Variants in PSD3 observed in about 807,000 individuals in gnomAD.
The protein encoded by PSD3 is pleckstrin and Sec7 domain containing 3, also known as PH and SEC7 domain-containing protein 3.
Under a neutral mutation model 105.5 loss-of-function variants are expected in PSD3, and 49 were observed. That is an observed-to-expected ratio of 0.46 (90% CI 0.37 to 0.59). The LOEUF (loss-of-function observed/expected upper bound fraction) is 0.59. PSD3 is among the 20% of genes least tolerant of loss of function. PSD3 has a pLI of 0.00. For missense variants in PSD3, 1,561 were observed against 1,263.8 expected, an observed-to-expected ratio of 1.24 and a Z score of -3.57; for synonymous variants, 557 against 457.8, an observed-to-expected ratio of 1.22 and a Z score of -2.77.
intron 8 of PSD3, among the ~76,000 whole-genome samples, chr8:18,791,299 G>T (rs562896731): frequency 1.3e-5 from 2 of 152,056 alleles, no homozygotes; most frequent in Non-Finnish European, 2.9e-5. Flanking sequence ...GAGGCAAGCT[G>T]GAGGCATCGT....
chr8:18,856,678 T>C (rs1816037905), intron 4 of PSD3, among the ~76,000 whole-genome samples: 1 of 152,176 alleles, frequency 6.6e-6, no homozygotes, highest in Non-Finnish European at 1.5e-5. Context: ...AGAGTAATTA[T>C]AAAGACAATA....
At chr8:18,648,423 A>T (rs916304244) in intron 10 of PSD3, among the ~76,000 whole-genome samples, 5 of 152,186 alleles carry the variant, frequency 3.3e-5, no homozygotes, top group African/African-American at 1.2e-4. Context: ...GGATCTGTGG[A>T]ATTTTGAACT....
In PSD3 at chr8:18,678,550, G is replaced by A. The variant is rs375196111; in HGVS notation, c.2173-22865C>T. On this transcript the variant is annotated intron_variant, in intron 9 of 15. Transcript: ENST00000327040. ...TTCCCAGCTGGGCGTGGTGGCTCAC[G>A]CCTATAATCCCAACGCTTTGGGAGG... is the stretch of plus-strand genomic sequence containing the variant. Among the ~76,000 whole-genome samples, 8 of 152,320 alleles carry A rather than the reference G, an allele frequency of 5.3e-5. No homozygotes were observed. The South Asian group carries it at 8.3e-4, about 16-fold the overall frequency.
intron 4 of PSD3, among the ~76,000 whole-genome samples, chr8:18,841,420 C>CTTAA (rs1347333966): frequency 6.6e-6 from 1 of 151,954 alleles, no homozygotes; most frequent in African/African-American, 2.4e-5. Flanking sequence ...GCTGATAAAA[C>CTTAA]TTAAAGTTCT....
rs967201512 is a variant in PSD3, at chr8:18,933,996, A to T, written c.130+2038T>A. 2.6e-5 allele frequency among the ~76,000 whole-genome samples: 4 copies of T among 152,230 alleles called. No individual in the cohort carries two copies. In the South Asian group the frequency reaches 6.2e-4, roughly 24 times the overall value. ...CTGTGATAAAAGCCAAATGATTTTT[A>T]AAAATAATTTAGCTGTTTTTTTTAC... is the stretch of plus-strand genomic sequence containing the variant. On this transcript the variant is annotated intron_variant, in intron 2 of 15. Transcript: ENST00000327040.
At chr8:18,622,725 T>C (rs953253542) in intron 11 of PSD3, among the ~76,000 whole-genome samples, 1 of 152,176 alleles carries the variant, frequency 6.6e-6, no homozygotes, top group Admixed American at 6.5e-5. Flanking sequence ...CTTTCTTATG[T>C]ATTAATTTGA....
chr8:18,769,859 A>G (rs574402993), intron 8 of PSD3, among the ~76,000 whole-genome samples: 1 of 152,304 alleles, frequency 6.6e-6, no homozygotes, highest in South Asian at 2.1e-4. Context: ...TGGATATACC[A>G]ATTGTGTTTC....
chr8:18,610,069 G>C (rs1309668486), intron 11 of PSD3, among the ~76,000 whole-genome samples: 2 of 152,018 alleles, frequency 1.3e-5, no homozygotes, highest in Non-Finnish European at 2.9e-5. Flanking sequence ...AACACTTAAG[G>C]CAATTTACAC....
chr8:18,715,693 A>C (rs1225897443), intron 9 of PSD3, among the ~76,000 whole-genome samples: 1 of 152,220 alleles, frequency 6.6e-6, no homozygotes, highest in Non-Finnish European at 1.5e-5. Flanking sequence ...GCATAGCAAC[A>C]GGGCTCTGCT....
Position 18,799,371 on chromosome 8 carries a change from A to C in PSD3, c.2024-18T>G. 6.4e-7 allele frequency: 1 copy of C among 1,558,036 alleles called. No homozygotes were observed. ...GACTCCATCTAAAGAAAGATACAAG[A>C]AAAAAAAGCATGAATTCGCTTTTCA... On this transcript the variant is annotated intron_variant, in intron 7 of 15. Transcript: ENST00000327040.
chr8:18,551,752 T>C (rs17694563), intron 15 of PSD3, among the ~76,000 whole-genome samples: 3,797 of 152,248 alleles, frequency 0.025, 82 homozygotes, highest in East Asian at 0.074. Flanking sequence ...ATGAGGGAAG[T>C]GGACATTCTC....
chr8:18,982,196 G>T (rs1187273534), intron 1 of PSD3, among the ~76,000 whole-genome samples: 2 of 152,200 alleles, frequency 1.3e-5, no homozygotes. Flanking sequence ...TTCATAAGAA[G>T]CTACTCCTCA....
At position 18,535,542 on chromosome 8, in the gene PSD3, T is replaced by C. The variant is rs1799802200; in HGVS notation, c.*201A>G. The C allele has an allele frequency of 3.5e-6, 2 of 573,874 alleles. No homozygotes were observed. The allele number at this position is 573,874 out of a possible 1,614,324, so 35.5% of individuals were successfully genotyped here. On this transcript the variant is annotated 3_prime_UTR_variant, in exon 16 of 16. Coordinates refer to ENST00000327040, the MANE Select transcript of PSD3 (RefSeq NM_015310.4). ...CAGAAAAGGTGCATTAGCTATCAAG[T>C]TGCAAAAATCATCAAAGCAAAAGAA...
intron 9 of PSD3, chr8:18,733,620 C>T (rs1355500327): frequency 1.3e-5 from 2 of 152,804 alleles, no homozygotes; most frequent in African/African-American, 4.8e-5. Context: ...TTCACTGGAT[C>T]AGAGGCTTTT....
intron 4 of PSD3, among the ~76,000 whole-genome samples, chr8:18,847,032 G>A (rs1192137313): frequency 1.3e-5 from 2 of 152,134 alleles, no homozygotes; most frequent in Non-Finnish European, 2.9e-5. Context: ...CAATACCCAT[G>A]TCCTGGATAA....
intron 12 of PSD3, among the ~76,000 whole-genome samples, chr8:18,580,142 T>C (rs977493121): frequency 6.6e-5 from 10 of 152,332 alleles, no homozygotes; most frequent in African/African-American, 2.4e-4. Context: ...AGCTTCGTCC[T>C]AATAACTATT....
chr8:19,079,919 T>C (rs1460562208), intron 1 of PSD3, among the ~76,000 whole-genome samples: 2 of 148,786 alleles, frequency 1.3e-5, no homozygotes, highest in African/African-American at 4.9e-5. Flanking sequence ...AGACAGAGTC[T>C]AGCTCTGTCA....
Position 18,691,060 on chromosome 8 carries a change from C to T in PSD3, c.2173-35375G>A, listed in dbSNP as rs1412835084. On this transcript the variant is annotated intron_variant, in intron 9 of 15. Transcript: ENST00000327040. ...ACCTATGAGGACGCATCACCTCACT[C>T]CAGCAGCCTTCAATCTTCCTGGAGC... Among the ~76,000 whole-genome samples the T allele has an allele frequency of 2.0e-5, 3 of 152,182 alleles. No homozygotes were observed. In the East Asian group the frequency reaches 5.8e-4, roughly 29 times the overall value.
intron 11 of PSD3, among the ~76,000 whole-genome samples, chr8:18,617,925 G>A (rs1174980793): frequency 6.6e-6 from 1 of 152,108 alleles, no homozygotes; most frequent in Non-Finnish European, 1.5e-5. Flanking sequence ...CTGCAAAGCC[G>A]TCTCTAGTGG....
Sources: gnomAD v4.1 joint callset for allele counts (sites outside exome capture counted in the v4.1 genomes callset) on GRCh38, gnomAD v4.1.1 for gene constraint, MANE v1.5 for transcripts, NCBI Gene and HGNC (gene_info 2026-07-23, HGNC 2026-07-21) for gene names.